Variants in KIAA1217 observed in about 807,000 individuals in gnomAD.
The protein encoded by KIAA1217 is KIAA1217, also known as sickle tail protein homolog.
In KIAA1217, 88 loss-of-function variants were observed where a neutral mutation model predicts 163.9. The observed-to-expected ratio is 0.54, with a 90% confidence interval of 0.45 to 0.64. The LOEUF is 0.64. Ranked by LOEUF, KIAA1217 falls within the 30% of genes least tolerant of loss-of-function variation. KIAA1217 has a pLI of 0.00. For missense variants in KIAA1217, 2,372 were observed against 2,475.0 expected, an observed-to-expected ratio of 0.96 and a Z score of 0.88; for synonymous variants, 903 against 923.1, an observed-to-expected ratio of 0.98 and a Z score of 0.39.
intron 1 of KIAA1217, among the ~76,000 whole-genome samples, chr10:23,801,104 A>T (rs1836447073): frequency 6.6e-6 from 1 of 152,240 alleles, no homozygotes; most frequent in African/African-American, 2.4e-5. Context: ...GACTGGATAA[A>T]GAAAATGTGG....
At chr10:24,047,933 AATAATAAGGAGCAAG>A (rs1377915392) in intron 2 of KIAA1217, among the ~76,000 whole-genome samples, 2 of 152,150 alleles carry the variant, frequency 1.3e-5, no homozygotes, top group East Asian at 1.9e-4. Flanking sequence ...GCTTTTTCCT[AATAATAAGGAGCAAG>A]CTGATAATAC....
intron 2 of KIAA1217, among the ~76,000 whole-genome samples, chr10:24,302,314 C>A (rs2041462254): frequency 6.6e-6 from 1 of 152,104 alleles, no homozygotes; most frequent in South Asian, 2.1e-4. Context: ...GAGTGAATCC[C>A]TGGGTTGGCC....
intron 5 of KIAA1217, among the ~76,000 whole-genome samples, chr10:24,460,814 G>A (rs2062323669): frequency 6.6e-6 from 1 of 152,142 alleles, no homozygotes. Flanking sequence ...GGCTAAGACG[G>A]TAACCCAGGT....
chr10:24,275,983 G>A (rs1309707133), intron 2 of KIAA1217, among the ~76,000 whole-genome samples: 1 of 152,086 alleles, frequency 6.6e-6, no homozygotes, highest in East Asian at 1.9e-4. Flanking sequence ...CAAAGAGAAG[G>A]AAACTCCTCC....
chr10:24,077,905 G>A (rs898940199), intron 2 of KIAA1217, among the ~76,000 whole-genome samples: 5 of 152,072 alleles, frequency 3.3e-5, no homozygotes, highest in South Asian at 2.1e-4. Context: ...AGATGGTATC[G>A]CACTGTGCTT....
At chr10:23,895,567 T>C (rs1206409050) in intron 1 of KIAA1217, among the ~76,000 whole-genome samples, 1 of 152,150 alleles carries the variant, frequency 6.6e-6, no homozygotes, top group Non-Finnish European at 1.5e-5. Context: ...GTTCAGCCAT[T>C]GTGGAAGTCA....
intron 1 of KIAA1217, among the ~76,000 whole-genome samples, chr10:23,946,342 AG>A (rs1206240423): frequency 2.0e-5 from 3 of 151,002 alleles, no homozygotes; most frequent in Admixed American, 6.6e-5. Context: ...TTTGGCATAT[AG>A]GAAAAAAAAA....
At chr10:24,256,078 T>TC (rs1287873203) in intron 2 of KIAA1217, among the ~76,000 whole-genome samples, 1 of 143,380 alleles carries the variant, frequency 7.0e-6, no homozygotes, top group African/African-American at 2.6e-5. Flanking sequence ...AAGCTGCTTT[T>TC]CCCCTCACTT....
chr10:24,311,300 G>C (rs1590850621), intron 2 of KIAA1217, among the ~76,000 whole-genome samples: 1 of 152,204 alleles, frequency 6.6e-6, no homozygotes, highest in African/African-American at 2.4e-5. Flanking sequence ...GTTAAGCAAA[G>C]GACCTTTCTT....
chr10:24,421,873 T>C (rs2058758737), intron 3 of KIAA1217, among the ~76,000 whole-genome samples: 1 of 152,216 alleles, frequency 6.6e-6, no homozygotes, highest in South Asian at 2.1e-4. Context: ...TTTACTAATA[T>C]TTTATTTAGG....
chr10:24,248,180 G>A (rs560489822), intron 2 of KIAA1217, among the ~76,000 whole-genome samples: 14 of 152,158 alleles, frequency 9.2e-5, no homozygotes, highest in South Asian at 4.2e-4. Flanking sequence ...CATTTCCAGT[G>A]GCATCTTCCC....
At chr10:24,342,131 T>C (rs1790792120) in intron 2 of KIAA1217, among the ~76,000 whole-genome samples, 1 of 152,228 alleles carries the variant, frequency 6.6e-6, no homozygotes, top group Admixed American at 6.5e-5. Context: ...GAGCTCTGTG[T>C]ACAAATACAC....
intron 1 of KIAA1217, among the ~76,000 whole-genome samples, chr10:23,806,201 AGGGAAAGATT>A (rs1836736129): frequency 6.6e-6 from 1 of 152,058 alleles, no homozygotes; most frequent in Non-Finnish European, 1.5e-5. Flanking sequence ...GCACGTGAGA[AGGGAAAGATT>A]GGTTGAGGAG....
intron 2 of KIAA1217, among the ~76,000 whole-genome samples, chr10:24,008,973 A>C (rs1175564520): frequency 6.6e-6 from 1 of 152,294 alleles, no homozygotes; most frequent in Middle Eastern, 3.4e-3. Context: ...GCGTTGTACA[A>C]GCAGCAAGAG....
intron 3 of KIAA1217, among the ~76,000 whole-genome samples, chr10:24,406,226 A>G (rs1337024937): frequency 6.6e-6 from 1 of 152,228 alleles, no homozygotes; most frequent in African/African-American, 2.4e-5. Flanking sequence ...TAAGCATAGA[A>G]ATGAAATTTT....
intron 2 of KIAA1217, among the ~76,000 whole-genome samples, chr10:24,340,508 T>C (rs1036335504): frequency 1.6e-4 from 25 of 152,178 alleles, no homozygotes; most frequent in African/African-American, 5.8e-4. Context: ...TCTTTAGAAA[T>C]TACCCAGTCT....
chr10:23,871,278 T>A (rs959691011), intron 1 of KIAA1217, among the ~76,000 whole-genome samples: 2 of 152,188 alleles, frequency 1.3e-5, no homozygotes, highest in Middle Eastern at 3.4e-3. Context: ...AGCTTGGGAT[T>A]TACATTGCAA....
At chr10:23,790,154 T>C (rs1203205475) in intron 1 of KIAA1217, among the ~76,000 whole-genome samples, 1 of 69,330 alleles carries the variant, frequency 1.4e-5, no homozygotes, top group Non-Finnish European at 2.5e-5. Context: ...TATACACATA[T>C]GCATATACAC....
At chr10:24,410,235 A>G (rs1044448876) in intron 3 of KIAA1217, among the ~76,000 whole-genome samples, 3 of 152,094 alleles carry the variant, frequency 2.0e-5, no homozygotes, top group African/African-American at 7.2e-5. Context: ...ACCTCAGGCA[A>G]TCCGCCCGCC....
Sources: allele counts gnomAD v4.1 joint callset (sites outside exome capture counted in the v4.1 genomes callset), GRCh38; gene constraint gnomAD v4.1.1; transcripts MANE v1.5; gene names NCBI Gene and HGNC (gene_info 2026-07-23, HGNC 2026-07-21).